MMRN2: variants seen among roughly 807,000 people sequenced by gnomAD.
MMRN2 encodes the protein multimerin-2.
A neutral mutation model predicts 68.8 loss-of-function variants in MMRN2; 53 were observed. The ratio of observed to expected loss-of-function variants is 0.77; its 90% CI spans 0.62 to 0.97. The LOEUF is 0.97. MMRN2 is among the 50% of genes least tolerant of loss of function. The pLI is 0.00. For missense variants in MMRN2, 1,266 were observed against 1,259.5 expected, an observed-to-expected ratio of 1.01 and a Z score of -0.08; for synonymous variants, 564 against 551.6, an observed-to-expected ratio of 1.02 and a Z score of -0.32.
At chr10:86,950,665 G>A (rs1321875709) in intron 1 of MMRN2, among the ~76,000 whole-genome samples, 1 of 152,180 alleles carries the variant, frequency 6.6e-6, no homozygotes, top group East Asian at 1.9e-4. Flanking sequence ...AGATGCAGCT[G>A]ATCTGACACC....
At chr10:86,957,076 C>T (rs907868470) in intron 1 of MMRN2, among the ~76,000 whole-genome samples, 22 of 152,220 alleles carry the variant, frequency 1.4e-4, no homozygotes, top group Non-Finnish European at 5.9e-5. Flanking sequence ...CTGGCAATGG[C>T]TTCAGCCACA....
In MMRN2 at chr10:86,944,088, G is replaced by C; in HGVS notation, c.696C>G (p.His232Gln). 6.2e-7 allele frequency: 1 copy of C among 1,614,064 alleles called. No individual in the cohort carries two copies. Among genetic ancestry groups the C allele is most frequent in the South Asian group, 1.1e-5 (1 of 91,080 alleles). ...AATGCACTTGTAGGAAGGTGTCCACGTGGGGTAGCAGCACCTGCTCCAAGG... is the reference window on the plus strand; with the variant it reads ...AATGCACTTGTAGGAAGGTGTCCACCTGGGGTAGCAGCACCTGCTCCAAGG... ...DRSLEQVLLPHVDTFLQVHFS... is the reference protein window; with the variant it reads ...DRSLEQVLLPQVDTFLQVHFS... The change falls in exon 6 of 7, where the codon CAC (histidine) becomes CAG (glutamine). Residue 232 changes from histidine (H) to glutamine (Q), a missense_variant. By Grantham distance (24) the His-to-Gln change is conservative (BLOSUM62 0). Transcript: ENST00000372027.
intron 1 of MMRN2, among the ~76,000 whole-genome samples, chr10:86,954,523 T>A (rs990745154): frequency 1.8e-4 from 27 of 151,998 alleles, no homozygotes; most frequent in African/African-American, 6.5e-4. Flanking sequence ...GCAGATTGTG[T>A]GGAGTGCCTT....
In MMRN2 at chr10:86,942,550, T is replaced by C. The variant is rs759649804; in HGVS notation, c.2234A>G (p.Glu745Gly). 16 of 1,613,276 alleles carry C rather than the reference T, an allele frequency of 9.9e-6. No individual in the cohort carries two copies. The Middle Eastern group carries it at 6.6e-4, about 66-fold the overall frequency. Residue 745 changes from glutamate (E) to glycine (G), a missense_variant, in exon 6 of 7, where the codon GAG becomes GGG. By Grantham distance (98) the Glu-to-Gly change is moderately conservative. Coordinates refer to ENST00000372027, the MANE Select transcript of MMRN2 (RefSeq NM_024756.3). ...NALFATQRSLEQHQRLFHSLF... is the reference protein window; with the variant it reads ...NALFATQRSLGQHQRLFHSLF... ...GCTGTGGAAGAGCCGCTGGTGCTGC[T>C]CCAAGCTGCGCTGAGTGGCGAAGAG...
rs141447174 is a variant in MMRN2, at chr10:86,943,215, G to A, written c.1569C>T (p.Asp523=). The A allele has an allele frequency of 5.0e-6, 8 of 1,610,116 alleles. No individual in the cohort carries two copies. The highest frequency in any genetic ancestry group is 1.1e-5 in the South Asian group (1 of 91,018). The change falls in exon 6 of 7, where the codon GAC becomes GAT. Residue 523 remains aspartate, a synonymous_variant. Transcript: ENST00000372027. The surrounding 1 kb of genome is among the most constrained non-coding windows in gnomAD (Gnocchi z 4.2). The part of the protein sequence containing the change: ...RALEETQVSL[D]ERRQLDGSSL... Reference sequence around the variant, plus strand: ...AGGAGCCGTCCAGCTGCCGCCGCTCGTCCAGGCTCACCTGGGTCTCCTCCA... The same window carrying A: ...AGGAGCCGTCCAGCTGCCGCCGCTCATCCAGGCTCACCTGGGTCTCCTCCA...
chr10:86,943,556 C>A lies in MMRN2; in HGVS notation c.1228G>T (p.Asp410Tyr), dbSNP rs1844014711. ...TCGGAGTACAGTTCCTTGATCTCAT[C>A]CACGTGCCGGGTCAGGGTGGCCCTC... The part of the protein sequence containing the change: ...DMRATLTRHV[D>Y]EIKELYSESD... Residue 410 changes from aspartate (D) to tyrosine (Y), a missense_variant, in exon 6 of 7, where the codon GAT (aspartate) becomes TAT (tyrosine). Coordinates refer to ENST00000372027, the MANE Select transcript of MMRN2 (RefSeq NM_024756.3). The surrounding 1 kb of genome is among the most constrained non-coding windows in gnomAD (Gnocchi z 4.2). 6.2e-7 allele frequency: 1 copy of A among 1,614,208 alleles called. No individual in the cohort carries two copies.
At chr10:86,941,827 G>GAAAAA (rs1386112769) in intron 6 of MMRN2, among the ~76,000 whole-genome samples, 4 of 135,248 alleles carry the variant, frequency 3.0e-5, no homozygotes, top group African/African-American at 5.7e-5. Context: ...AAAAGAAAAA[G>GAAAAA]AAAAAAAAAA....
chr10:86,936,990 C>A lies in MMRN2; in HGVS notation c.2603G>T (p.Gly868Val), dbSNP rs776167844. The A allele has an allele frequency of 1.2e-6, 2 of 1,614,226 alleles. No individual in the cohort carries two copies. The highest frequency in any genetic ancestry group is 3.3e-5 in the Admixed American group (2 of 60,026). Residue 868 changes from glycine to valine, a missense_variant, in exon 7 of 7, where the codon GGT becomes GTT. Coordinates refer to ENST00000372027, the MANE Select transcript of MMRN2 (RefSeq NM_024756.3). ...EHGYFRAPER[G>V]VYLFAVSVEF... The stretch of plus-strand genomic sequence containing the variant: ...AACGCTCACTGCAAACAGGTAGACA[C>A]CACGCTCAGGGGCTCGGAAGTAGCC...
intron 1 of MMRN2, among the ~76,000 whole-genome samples, chr10:86,956,556 G>T (rs1301309646): frequency 1.3e-5 from 2 of 152,232 alleles, no homozygotes; most frequent in African/African-American, 2.4e-5. Context: ...GCTGCAGAGA[G>T]TTCACTATGA....
At chr10:86,938,547 A>T (rs535136924) in intron 6 of MMRN2, among the ~76,000 whole-genome samples, 1 of 152,256 alleles carries the variant, frequency 6.6e-6, no homozygotes, top group African/African-American at 2.4e-5. Context: ...ATGAGATGGC[A>T]CAGGAAAGGT....
chr10:86,944,682 A>C (rs1482128318), intron 4 of MMRN2: 11 of 511,930 alleles, frequency 2.1e-5, no homozygotes, highest in Non-Finnish European at 3.4e-5. Context: ...CAGCACATGC[A>C]CATGGCCTCA....
At position 86,957,404 on chromosome 10, in the gene MMRN2, CT is replaced by C. The variant is rs756311269; in HGVS notation, c.137del (p.Glu46GlyfsTer8). 3 of 1,613,584 alleles carry C rather than the reference CT, an allele frequency of 1.9e-6. No homozygotes were observed. The highest frequency in any genetic ancestry group is 3.3e-5 in the Admixed American group (2 of 60,022). Reference protein sequence around the residue: ...RTPGVWKAEAEDTGKDPVGRN... With the variant: ...RTPGVWKAEAXDTGKDPVGRN... ...GTCCTACGGGGTCCTTGCCGGTGTC[CT>C]CAGCCTCTGCCTTCCAGACCCCAGG... On this transcript the variant is annotated frameshift_variant, in exon 1 of 7. Coordinates refer to ENST00000372027, the MANE Select transcript of MMRN2 (RefSeq NM_024756.3). LOFTEE classifies it high-confidence loss of function.
chr10:86,947,607 G>A (rs986777092), intron 1 of MMRN2, among the ~76,000 whole-genome samples: 9 of 151,814 alleles, frequency 5.9e-5, no homozygotes, highest in Non-Finnish European at 1.2e-4. Context: ...TCCTGACCTC[G>A]TGATCCACCT....
Position 86,943,943 on chromosome 10 carries a change from C to T in MMRN2, c.841G>A (p.Val281Met), listed in dbSNP as rs867896930. 15 of 1,614,024 alleles carry T rather than the reference C, an allele frequency of 9.3e-6. No individual in the cohort carries two copies. The highest frequency in any genetic ancestry group is 1.6e-4 in the Middle Eastern group (1 of 6,084). The change falls in exon 6 of 7, where the codon GTG becomes ATG. Residue 281 changes from valine (V) to methionine (M), a missense_variant. Physicochemically the swap from Val to Met is conservative, Grantham distance 21. Coordinates refer to ENST00000372027, the MANE Select transcript of MMRN2 (RefSeq NM_024756.3). The surrounding 1 kb of genome is among the most constrained non-coding windows in gnomAD (Gnocchi z 4.2). The part of the protein sequence containing the change: ...QAISRVQDSA[V>M]ARADFQELGA... ...AGCTCCTGGAAGTCAGCCCTGGCCA[C>T]GGCACTGTCCTGGACTCTGGAGATG... is the stretch of plus-strand genomic sequence containing the variant.
rs1844003316 is a variant in MMRN2 at position 86,943,153 on chromosome 10, G to A, written c.1631C>T (p.Ser544Leu). 6.3e-7 allele frequency: 1 copy of A among 1,598,526 alleles called. No individual in the cohort carries two copies. Residue 544 changes from serine to leucine, a missense_variant, in exon 6 of 7, where the codon TCG becomes TTG. By Grantham distance (145) the Ser-to-Leu change is moderately radical (BLOSUM62 -2). Coordinates refer to ENST00000372027, the MANE Select transcript of MMRN2 (RefSeq NM_024756.3). This position sits in a 1 kb window ranked among gnomAD's most constrained non-coding sequence, Gnocchi z 4.2. ...CGCTTTGTGCGCGTCCACGGCCAGC[G>A]ACACGGCGTCCACGGCGTTCTGCAG... ...QALQNAVDAV[S>L]LAVDAHKAEG...
chr10:86,943,128 C>A lies in MMRN2; in HGVS notation c.1656G>T (p.Ala552=), dbSNP rs202162724. The A allele has an allele frequency of 6.3e-5, 98 of 1,565,938 alleles. 1 individual carries two copies. In the African/African-American group the frequency reaches 1.0e-3, roughly 16 times the overall value. The change falls in exon 6 of 7, where the codon GCG becomes GCT. Residue 552 remains alanine, a synonymous_variant. Coordinates refer to ENST00000372027, the MANE Select transcript of MMRN2 (RefSeq NM_024756.3). This position sits in a 1 kb window ranked among gnomAD's most constrained non-coding sequence, Gnocchi z 4.2. ...TGGCCGCCCGCGCCCGCTCGCCCTC[C>A]GCTTTGTGCGCGTCCACGGCCAGCG... is the stretch of plus-strand genomic sequence containing the variant. ...AVSLAVDAHK[A]EGERARAATS...
intron 1 of MMRN2, among the ~76,000 whole-genome samples, chr10:86,954,653 C>CA (rs1844192575): frequency 6.6e-6 from 1 of 152,170 alleles, no homozygotes; most frequent in Non-Finnish European, 1.5e-5. Flanking sequence ...TTGACCATTC[C>CA]AGGGGAGAAA....
chr10:86,950,662 G>A (rs1391444461), intron 1 of MMRN2, among the ~76,000 whole-genome samples: 1 of 152,148 alleles, frequency 6.6e-6, no homozygotes, highest in East Asian at 1.9e-4. Context: ...AGAAGATGCA[G>A]CTGATCTGAC....
In MMRN2 at chr10:86,936,337, T is replaced by TATCA. The variant is rs1843877801; in HGVS notation, c.*402_*405dup. ...TTCCTCCTGGGGAAGAATGTCTTTC[T>TATCA]ATCATACGATAAGGGAGAAGAGAAG... On this transcript the variant is annotated 3_prime_UTR_variant, in exon 7 of 7. Transcript: ENST00000372027. 1 of 427,774 alleles carries TATCA rather than the reference T, an allele frequency of 2.3e-6. No individual in the cohort carries two copies. The highest frequency in any genetic ancestry group is 4.1e-6 in the Non-Finnish European group (1 of 243,122). The allele number at this position is 427,774 out of a possible 1,614,324, so 26.5% of individuals were successfully genotyped here.
Sources: allele counts gnomAD v4.1 joint callset (sites outside exome capture counted in the v4.1 genomes callset), GRCh38; gene constraint gnomAD v4.1.1; non-coding constraint Gnocchi (gnomAD v3.1); transcripts MANE v1.5; gene names NCBI Gene and HGNC (gene_info 2026-07-23, HGNC 2026-07-21).